SMARCAL1: variants seen among roughly 807,000 people sequenced by gnomAD.
SMARCAL1 encodes ATP-driven annealing helicase.
SMARCAL1 carries 58 observed loss-of-function variants against 94.5 expected under a neutral mutation model. The ratio of observed to expected loss-of-function variants is 0.61; its 90% CI spans 0.50 to 0.76. SMARCAL1 has a LOEUF of 0.76. SMARCAL1 is among the 30% of genes least tolerant of loss of function. The pLI is 0.00. For missense variants in SMARCAL1, 1,051 were observed against 1,177.9 expected (o/e 0.89, Z 1.58); for synonymous variants, 422 against 455.1 (o/e 0.93, Z 0.93).
chr2:216,475,525 CG>C lies in SMARCAL1; in HGVS notation c.2427+78del. ...TGGGCAGGAAGCAGTGAGTGTCGGT[CG>C]GGGAAAGTGTGGTTTCCCTTTTATC... On this transcript the variant is annotated intron_variant, in intron 15 of 17. Coordinates refer to ENST00000357276, the MANE Select transcript of SMARCAL1 (RefSeq NM_014140.4). This position sits in a 1 kb window ranked among gnomAD's most constrained non-coding sequence, Gnocchi z 4.4. 6.7e-7 allele frequency: 1 copy of C among 1,494,890 alleles called. No individual in the cohort carries two copies. Among genetic ancestry groups the C allele is most frequent in the Non-Finnish European group, 9.3e-7 (1 of 1,072,122 alleles). The allele number at this position is 1,494,890 out of a possible 1,614,324, so 92.6% of individuals were successfully genotyped here. A position where few individuals can be genotyped will look rare whatever the true frequency, so the allele number is the denominator to read the frequency against.
chr2:216,466,312 T>C (rs1404516496), intron 13 of SMARCAL1, among the ~76,000 whole-genome samples: 1 of 152,254 alleles, frequency 6.6e-6, no homozygotes, highest in Non-Finnish European at 1.5e-5. Flanking sequence ...TGTATAGTGC[T>C]TTGTAGTTTC....
At chr2:216,426,882 A>G (rs1045109832) in intron 6 of SMARCAL1, among the ~76,000 whole-genome samples, 3 of 152,216 alleles carry the variant, frequency 2.0e-5, no homozygotes, top group African/African-American at 7.2e-5. Context: ...GAACGTGTGC[A>G]TAGGAAACTG....
rs77627181 is a variant in SMARCAL1, at chr2:216,425,034, T to G, written c.1147+1351T>G. 7.8e-3 allele frequency among the ~76,000 whole-genome samples: 1,184 copies of G among 152,328 alleles called. 13 individuals carry two copies. Among genetic ancestry groups the G allele is most frequent in the African/African-American group, 0.027 (1,128 of 41,570 alleles). On this transcript the variant is annotated intron_variant, in intron 6 of 17. Coordinates refer to ENST00000357276, the MANE Select transcript of SMARCAL1 (RefSeq NM_014140.4). ...CCCAGGCTCAAGCGATTGTCCTGTT[T>G]CAGCCTCCCAAGTAGCTGTACACAG...
intron 17 of SMARCAL1, among the ~76,000 whole-genome samples, chr2:216,481,485 T>C (rs3114146): frequency 0.72 from 108,245 of 151,130 alleles, 39,202 homozygotes; most frequent in African/African-American, 0.83. Context: ...CGTGAGCCCT[T>C]GCAGCAGCCT....
intron 12 of SMARCAL1, among the ~76,000 whole-genome samples, chr2:216,463,654 T>C (rs1365710641): frequency 2.6e-5 from 4 of 152,224 alleles, no homozygotes; most frequent in African/African-American, 9.7e-5. Context: ...GTCACTTAAA[T>C]GTAAACCATA....
At position 216,416,253 on chromosome 2, in the gene SMARCAL1, T is replaced by G; in HGVS notation, c.812-4T>G. The G allele has an allele frequency of 1.2e-6, 2 of 1,613,508 alleles. No homozygotes were observed. Among genetic ancestry groups the G allele is most frequent in the Non-Finnish European group, 1.7e-6 (2 of 1,179,482 alleles). ...ACAGTCATCAGTCCTCTGTTTTGTT[T>G]CAGATCCTGACACCAAGACGTGGAA... is the stretch of plus-strand genomic sequence containing the variant. On this transcript the variant is annotated splice_region_variant and splice_polypyrimidine_tract_variant and intron_variant, in intron 3 of 17. Coordinates refer to ENST00000357276, the MANE Select transcript of SMARCAL1 (RefSeq NM_014140.4).
chr2:216,414,780 G>A lies in SMARCAL1; in HGVS notation c.76G>A (p.Glu26Lys), dbSNP rs886055616. The change falls in exon 3 of 18, where the codon GAG becomes AAG. Residue 26 changes from glutamate to lysine, a missense_variant. Transcript: ENST00000357276. ...ACAAAAGGCTCTGGCCCGCAGAGCTGAGAAGTTATTGGCAGAACAGCATCA... is the reference window on the plus strand; with the variant it reads ...ACAAAAGGCTCTGGCCCGCAGAGCTAAGAAGTTATTGGCAGAACAGCATCA... ...NRQKALARRA[E>K]KLLAEQHQRT... The A allele has an allele frequency of 6.8e-6, 11 of 1,614,112 alleles. 1 individual carries two copies. Among genetic ancestry groups the A allele is most frequent in the Non-Finnish European group, 9.3e-6 (11 of 1,180,048 alleles).
intron 7 of SMARCAL1, 115 bp from the exon 8 acceptor site, chr2:216,432,603 G>A: frequency 2.4e-6 from 3 of 1,247,192 alleles, no homozygotes; most frequent in Non-Finnish European, 3.5e-6. Flanking sequence ...GTGGTGGGCT[G>A]GGCCCGGGCT....
At chr2:216,426,819 C>CCACATGCTGTCCTTCCTCAT (rs1693843933) in intron 6 of SMARCAL1, among the ~76,000 whole-genome samples, 1 of 152,224 alleles carries the variant, frequency 6.6e-6, no homozygotes, top group Non-Finnish European at 1.5e-5. Flanking sequence ...TCCTTCCTCA[C>CCACATGCTGTCCTTCCTCAT]CCCATGCTGT....
chr2:216,438,344 G>A, intron 9 of SMARCAL1, 76 bp from the exon 10 acceptor site: 4 of 1,294,888 alleles, frequency 3.1e-6, no homozygotes, highest in Non-Finnish European at 3.4e-6. Context: ...CCATGCCAGG[G>A]TCAAGCCTAA....
In SMARCAL1 at chr2:216,475,740, G is replaced by A. The variant is rs145301999; in HGVS notation, c.2427+289G>A. Among the ~76,000 whole-genome samples the A allele has an allele frequency of 5.2e-4, 79 of 151,912 alleles. No homozygotes were observed. The East Asian group carries it at 0.013, about 25-fold the overall frequency. On this transcript the variant is annotated intron_variant, in intron 15 of 17. Transcript: ENST00000357276. This position sits in a 1 kb window ranked among gnomAD's most constrained non-coding sequence, Gnocchi z 4.4. ...AGCGATTCCCCTGCCTCAGCCTCCC[G>A]AGTAGCTAGGATTACAGGTGTGAGC...
rs1169894273 is a variant in SMARCAL1 at position 216,415,622 on chromosome 2, T to C, written c.811+107T>C. 1.5e-5 allele frequency: 16 copies of C among 1,058,610 alleles called. No individual in the cohort carries two copies. The South Asian group carries it at 2.0e-4, about 13-fold the overall frequency. The allele number at this position is 1,058,610 out of a possible 1,614,324, so 65.6% of individuals were successfully genotyped here. On this transcript the variant is annotated intron_variant, in intron 3 of 17. Transcript: ENST00000357276. ...ATTAAGAGAGTGCATTGGCACATGC[T>C]GTCCATCCAGTTGTTAAAAATTTTT...
chr2:216,466,537 G>A (rs2106075372), intron 13 of SMARCAL1, among the ~76,000 whole-genome samples: 2 of 152,174 alleles, frequency 1.3e-5, no homozygotes, highest in Middle Eastern at 6.8e-3. Flanking sequence ...TTTTTTTGCT[G>A]TTGTTTGTTT....
In SMARCAL1 at chr2:216,435,488, G is replaced by A. The variant is rs778324813; in HGVS notation, c.1636G>A (p.Val546Ile). The change falls in exon 9 of 18, where the codon GTC becomes ATC. Residue 546 changes from valine (V) to isoleucine (I), a missense_variant. Transcript: ENST00000357276. Reference sequence around the variant, plus strand: ...ACAGCTAAAAACCCCTTTTAAAGTTGTCATCATTGTAAGAAACTTGGCAAA... The same window carrying A: ...ACAGCTAAAAACCCCTTTTAAAGTTATCATCATTGTAAGAAACTTGGCAAA... Reference protein sequence around the residue: ...EKQLKTPFKVVIIDESHFLKN... With the variant: ...EKQLKTPFKVIIIDESHFLKN... The A allele has an allele frequency of 6.2e-7, 1 of 1,614,062 alleles. No individual in the cohort carries two copies. Among genetic ancestry groups the A allele is most frequent in the Non-Finnish European group, 8.5e-7 (1 of 1,179,914 alleles).
At chr2:216,427,789 G>A (rs1466333097) in intron 6 of SMARCAL1, among the ~76,000 whole-genome samples, 1 of 152,184 alleles carries the variant, frequency 6.6e-6, no homozygotes, top group African/African-American at 2.4e-5. Context: ...TATTTACAGT[G>A]GTAACCAATT....
In SMARCAL1 at chr2:216,465,965, TC is replaced by T. The variant is rs1264336276; in HGVS notation, c.2141+1300del. Reference sequence around the variant, plus strand: ...CAGTGCTGGCCTCCTCCCCTTCACCTCCTGGGCACTGCCCTTTTCATTTATG... The same window carrying T: ...CAGTGCTGGCCTCCTCCCCTTCACCTCTGGGCACTGCCCTTTTCATTTATG... On this transcript the variant is annotated intron_variant, in intron 13 of 17. Coordinates refer to ENST00000357276, the MANE Select transcript of SMARCAL1 (RefSeq NM_014140.4). Among the ~76,000 whole-genome samples the T allele has an allele frequency of 4.6e-5, 7 of 152,260 alleles. No homozygotes were observed. The East Asian group carries it at 1.3e-3, about 29-fold the overall frequency.
intron 6 of SMARCAL1, among the ~76,000 whole-genome samples, chr2:216,428,255 T>A (rs1693882039): frequency 6.6e-6 from 1 of 152,202 alleles, no homozygotes; most frequent in Non-Finnish European, 1.5e-5. Flanking sequence ...TCCCAAGAAT[T>A]ATGTGTTTTA....
chr2:216,430,122 A>G (rs1693932865), intron 7 of SMARCAL1, among the ~76,000 whole-genome samples: 1 of 152,000 alleles, frequency 6.6e-6, no homozygotes, highest in Non-Finnish European at 1.5e-5. Flanking sequence ...CCCCTGAGAG[A>G]GGCTCTGTGT....
chr2:216,452,672 G>A (rs1393756866), intron 12 of SMARCAL1, among the ~76,000 whole-genome samples: 1 of 151,942 alleles, frequency 6.6e-6, no homozygotes, highest in Admixed American at 6.5e-5. Context: ...AGGAGGAAAA[G>A]CACATTAACT....
Sources: allele counts gnomAD v4.1 joint callset (sites outside exome capture counted in the v4.1 genomes callset), GRCh38; gene constraint gnomAD v4.1.1; non-coding constraint Gnocchi (gnomAD v3.1); transcripts MANE v1.5; gene names NCBI Gene and HGNC (gene_info 2026-07-23, HGNC 2026-07-21).